KMT2D: variants seen among roughly 807,000 people sequenced by gnomAD.
KMT2D encodes the protein lysine methyltransferase 2D.
Under a neutral mutation model 512.7 loss-of-function variants are expected in KMT2D, and 55 were observed. The ratio of observed to expected loss-of-function variants is 0.11; its 90% CI spans 0.09 to 0.13. KMT2D has a LOEUF of 0.13. Among genes scored for constraint, KMT2D ranks in the 10% least tolerant of loss-of-function variants. KMT2D has a pLI of 1.00. For missense variants in KMT2D, 6,061 were observed against 7,127.9 expected (o/e 0.85, Z 5.39); for synonymous variants, 2,995 against 2,904.0 (o/e 1.03, Z -1.01).
rs2120672077 is a variant in KMT2D, at chr12:49,051,563, G to C, written c.2120C>G (p.Ala707Gly). ...GAGCGAGTCCTCCGGTGGTGGGGAAGCAGGTGAGTCCTCAGGTGGTGGGGA... is the reference window on the plus strand; with the variant it reads ...GAGCGAGTCCTCCGGTGGTGGGGAACCAGGTGAGTCCTCAGGTGGTGGGGA... ...PTSPPPEDSP[A>G]SPPPEDSLMS... The change falls in exon 11 of 55, where the codon GCT becomes GGT. Residue 707 changes from alanine (A) to glycine (G), a missense_variant. Transcript: ENST00000301067. 6.2e-7 allele frequency: 1 copy of C among 1,607,204 alleles called. No individual in the cohort carries two copies. Among genetic ancestry groups the C allele is most frequent in the Non-Finnish European group, 8.5e-7 (1 of 1,176,016 alleles).
rs1341945125 is a variant in KMT2D, at chr12:49,049,841, A to C, written c.3747T>G (p.Ser1249Arg). 1 of 1,613,958 alleles carries C rather than the reference A, an allele frequency of 6.2e-7. No individual in the cohort carries two copies. Among genetic ancestry groups the C allele is most frequent in the Non-Finnish European group, 8.5e-7 (1 of 1,179,880 alleles). ...GTAGGGAGCCCTCATCTCGGGCTGG[A>C]CTAACATCCGTAGAGACCCCCAACT... ...SMELGVSTDV[S>R]PARDEGSLRL... The change falls in exon 12 of 55, where the codon AGT becomes AGG. Residue 1249 changes from serine (S) to arginine (R), a missense_variant. Around this residue, in one of 16 missense-constraint regions of KMT2D, gnomAD observed 447 missense variants for 500.1 expected, o/e 0.89. Transcript: ENST00000301067.
At chr12:49,057,534 C>T (rs970366453) in intron 1 of KMT2D, among the ~76,000 whole-genome samples, 4 of 152,190 alleles carry the variant, frequency 2.6e-5, no homozygotes, top group African/African-American at 9.7e-5. Flanking sequence ...AGAGCCCATT[C>T]ATGGGGCCAT....
At position 49,041,179 on chromosome 12, in the gene KMT2D, G is replaced by T. The variant is rs767669255; in HGVS notation, c.6591C>A (p.Pro2197=). ...GGGCCCCCGTAGGACTAGGATAGGG[G>T]GGATAGGTGGGCGGTGCCGTGGGGA... ...PRFPTAPPTY[P]PYPSPTGAPA... Residue 2197 remains proline, a synonymous_variant, in exon 32 of 55, where the codon CCC becomes CCA. Transcript: ENST00000301067. This position sits in a 1 kb window ranked among gnomAD's most constrained non-coding sequence, Gnocchi z 5.4. 2 of 1,518,510 alleles carry T rather than the reference G, an allele frequency of 1.3e-6. No homozygotes were observed. The highest frequency in any genetic ancestry group is 1.8e-6 in the Non-Finnish European group (2 of 1,136,194). 94.1% of individuals were successfully genotyped at this position (1,518,510 alleles called of 1,614,324 possible). A position where few individuals can be genotyped will look rare whatever the true frequency, so the allele number is the denominator to read the frequency against.
Position 49,051,594 on chromosome 12 carries a change from G to C in KMT2D, c.2089C>G (p.Pro697Ala). The C allele has an allele frequency of 6.3e-7, 1 of 1,594,554 alleles. No homozygotes were observed. Among genetic ancestry groups the C allele is most frequent in the Non-Finnish European group, 8.6e-7 (1 of 1,168,348 alleles). The change falls in exon 11 of 55, where the codon CCC becomes GCC. Residue 697 changes from proline (P) to alanine (A), a missense_variant. By Grantham distance (27) the Pro-to-Ala change is conservative. Coordinates refer to ENST00000301067, the MANE Select transcript of KMT2D (RefSeq NM_003482.4). ...GAGTCCTCAGGTGGTGGGGATGTGG[G>C]GGAGTCCTCAGGTGGTGGGGAGAGG... ...SRLSPPPEDS[P>A]TSPPPEDSPA... is the part of the protein sequence containing the mutation.
Position 49,041,835 on chromosome 12 carries a change from C to T in KMT2D, c.6183+82G>A, listed in dbSNP as rs117190959. The T allele has an allele frequency of 5.3e-3, 8,062 of 1,521,662 alleles. 31 individuals are homozygous for T. Among genetic ancestry groups the T allele is most frequent in the Non-Finnish European group, 6.5e-3 (7,232 of 1,117,716 alleles). The allele number at this position is 1,521,662 out of a possible 1,614,324, so 94.3% of individuals were successfully genotyped here. On this transcript the variant is annotated intron_variant, in intron 30 of 54. Coordinates refer to ENST00000301067, the MANE Select transcript of KMT2D (RefSeq NM_003482.4). The surrounding 1 kb of genome is among the most constrained non-coding windows in gnomAD (Gnocchi z 5.4). ...GCCCAGCTGCTTTAGGAGTGGGGAGCGGAAAGAACTGAGGTAAATTACCCA... is the reference window on the plus strand; with the variant it reads ...GCCCAGCTGCTTTAGGAGTGGGGAGTGGAAAGAACTGAGGTAAATTACCCA...
chr12:49,033,865 A>G lies in KMT2D; in HGVS notation c.10840T>C (p.Ser3614Pro). The change falls in exon 40 of 55, where the codon TCA becomes CCA. Residue 3614 changes from serine to proline, a missense_variant. Ser to Pro is a moderately conservative substitution (Grantham distance 74). Transcript: ENST00000301067. ...QQQQQQQQQH[S>P]AVLALSPSQS... ...GAAGGGCTGAGAGCCAGCACAGCTG[A>G]GTGCTGTTGCTGTTGTTGCTGCTGC... 1.3e-6 allele frequency: 2 copies of G among 1,549,980 alleles called. No individual in the cohort carries two copies. Among genetic ancestry groups the G allele is most frequent in the South Asian group, 2.5e-5 (2 of 81,318 alleles).
In KMT2D at chr12:49,044,500, G is replaced by A. The variant is rs143063879; in HGVS notation, c.4986C>T (p.Cys1662=). ...KGEGGVEHME[C]EIKLEGPVSP... ...TGACGGGGCCCTCCAGTTTAATTTCGCACTCCATGTGCTCCACACCACCTG... is the reference window on the plus strand; with the variant it reads ...TGACGGGGCCCTCCAGTTTAATTTCACACTCCATGTGCTCCACACCACCTG... Residue 1662 remains cysteine, a synonymous_variant, in exon 21 of 55, where the codon TGC becomes TGT. Coordinates refer to ENST00000301067, the MANE Select transcript of KMT2D (RefSeq NM_003482.4). This position sits in a 1 kb window ranked among gnomAD's most constrained non-coding sequence, Gnocchi z 6.4. 1.1e-4 allele frequency: 183 copies of A among 1,613,922 alleles called. 4 individuals are homozygous for A. The South Asian group carries it at 1.2e-3, about 11-fold the overall frequency.
In KMT2D at chr12:49,037,720, C is replaced by T; in HGVS notation, c.9636G>A (p.Lys3212=). 6.3e-7 allele frequency: 1 copy of T among 1,588,146 alleles called. No individual in the cohort carries two copies. Among genetic ancestry groups the T allele is most frequent in the Non-Finnish European group, 8.6e-7 (1 of 1,167,114 alleles). The part of the protein sequence containing the change: ...SGPGGSSLLE[K]FELESGALTL... ...TCAAAGCCCCACTCTCGAGCTCAAA[C>T]TTTTCCAGCAGGGAGGATCCTCCTG... The change falls in exon 35 of 55, where the codon AAG becomes AAA. Residue 3212 remains lysine (K), a synonymous_variant. Coordinates refer to ENST00000301067, the MANE Select transcript of KMT2D (RefSeq NM_003482.4).
chr12:49,052,235 A>G lies in KMT2D; in HGVS notation c.1448T>C (p.Leu483Ser), dbSNP rs2120683598. The G allele has an allele frequency of 6.3e-7, 1 of 1,595,510 alleles. No individual in the cohort carries two copies. The highest frequency in any genetic ancestry group is 8.5e-7 in the Non-Finnish European group (1 of 1,172,644). The change falls in exon 11 of 55, where the codon TTG (leucine) becomes TCG (serine). Residue 483 changes from leucine (L) to serine (S), a missense_variant. By Grantham distance (145) the Leu-to-Ser change is moderately radical. Around this residue, in one of 16 missense-constraint regions of KMT2D, gnomAD observed 848 missense variants for 838.5 expected, o/e 1.01. Transcript: ENST00000301067. Reference sequence around the variant, plus strand: ...TTCCTCCAGCGGCCGGGACAGGTGCAATGCCTCAGGAAGTGGGGATGCGGG... The same window carrying G: ...TTCCTCCAGCGGCCGGGACAGGTGCGATGCCTCAGGAAGTGGGGATGCGGG... ...ELPASPLPEA[L>S]HLSRPLEESP...
rs1446761246 is a variant in KMT2D at position 49,049,931 on chromosome 12, A to G, written c.3657T>C (p.Ser1219=). 2 of 1,613,786 alleles carry G rather than the reference A, an allele frequency of 1.2e-6. No individual in the cohort carries two copies. Among genetic ancestry groups the G allele is most frequent in the East Asian group, 2.2e-5 (1 of 44,884 alleles). The change falls in exon 12 of 55, where the codon AGT becomes AGC. Residue 1219 remains serine (S), a synonymous_variant. Transcript: ENST00000301067. ...CCAGGAGGGGCTCTGAGCCAGGAAA[A>G]CTGGCACTGGCATCACCCTGGCTCA... ...SNLSQGDASA[S]FPGSEPLLGS...
rs2120643814 is a variant in KMT2D at position 49,049,976 on chromosome 12, G to A, written c.3612C>T (p.Ile1204=). ...GGCTCAGATTAGAGATCTCGTTAAC[G>A]ATGTCGGATTTGATGAGAGTGGGTG... The part of the protein sequence containing the change: ...PTPPTLIKSD[I]VNEISNLSQG... The change falls in exon 12 of 55, where the codon ATC becomes ATT. Residue 1204 remains isoleucine, a synonymous_variant. Transcript: ENST00000301067. 4 of 1,613,976 alleles carry A rather than the reference G, an allele frequency of 2.5e-6. No homozygotes were observed. The highest frequency in any genetic ancestry group is 2.2e-5 in the East Asian group (1 of 44,886).
rs1387639118 is a variant in KMT2D at position 49,029,017 on chromosome 12, A to C, written c.14251+44T>G. ...GCCGCCTCTCCCCCAGCTTCGGACAACCCAGGTGAACTGGGCCTGGCCCAC... is the reference window on the plus strand; with the variant it reads ...GCCGCCTCTCCCCCAGCTTCGGACACCCCAGGTGAACTGGGCCTGGCCCAC... On this transcript the variant is annotated intron_variant, in intron 45 of 54. Coordinates refer to ENST00000301067, the MANE Select transcript of KMT2D (RefSeq NM_003482.4). 2.5e-6 allele frequency: 4 copies of C among 1,606,304 alleles called. No individual in the cohort carries two copies. The Admixed American group carries it at 5.0e-5, about 20-fold the overall frequency.
At chr12:49,025,411 C>T (rs1196614895) in intron 49 of KMT2D, among the ~76,000 whole-genome samples, 1 of 152,220 alleles carries the variant, frequency 6.6e-6, no homozygotes, top group Non-Finnish European at 1.5e-5. Flanking sequence ...TCTAGATGCA[C>T]ATACTTACCG....
At chr12:49,057,256 A>G (rs1323716069) in intron 1 of KMT2D, among the ~76,000 whole-genome samples, 1 of 152,176 alleles carries the variant, frequency 6.6e-6, no homozygotes, top group African/African-American at 2.4e-5. Context: ...GCATCTTACT[A>G]TATCTTACCA....
Position 49,032,215 on chromosome 12 carries a change from T to C in KMT2D, c.12490A>G (p.Met4164Val). 6.2e-7 allele frequency: 1 copy of C among 1,613,268 alleles called. No homozygotes were observed. The highest frequency in any genetic ancestry group is 8.5e-7 in the Non-Finnish European group (1 of 1,179,382). The change falls in exon 40 of 55, where the codon ATG becomes GTG. Residue 4164 changes from methionine to valine, a missense_variant. Physicochemically the swap from Met to Val is conservative, Grantham distance 21. Around this residue, in one of 16 missense-constraint regions of KMT2D, gnomAD observed 1,600 missense variants for 1,754.9 expected, o/e 0.91. Transcript: ENST00000301067. Reference protein sequence around the residue: ...GPQQPMLERPMQNNTGPQPPK... With the variant: ...GPQQPMLERPVQNNTGPQPPK... Reference sequence around the variant, plus strand: ...GGTTGTGGCCCTGTATTATTTTGCATGGGCCGCTCTAGCATGGGCTGTTGG... The same window carrying C: ...GGTTGTGGCCCTGTATTATTTTGCACGGGCCGCTCTAGCATGGGCTGTTGG...
In KMT2D at chr12:49,044,368, C is replaced by T. The variant is rs757357517; in HGVS notation, c.5083+35G>A. On this transcript the variant is annotated intron_variant, in intron 21 of 54. Coordinates refer to ENST00000301067, the MANE Select transcript of KMT2D (RefSeq NM_003482.4). The surrounding 1 kb of genome is among the most constrained non-coding windows in gnomAD (Gnocchi z 6.4). ...GGACCTATTGAGCTGCCCCGCACCA[C>T]CCCACCACCCCACAACCCCATCCCA... 2 of 1,613,640 alleles carry T rather than the reference C, an allele frequency of 1.2e-6. No individual in the cohort carries two copies. The highest frequency in any genetic ancestry group is 1.3e-5 in the African/African-American group (1 of 75,012).
At chr12:49,034,500 G>A in intron 37 of KMT2D, 24 bp from the exon 38 acceptor site, 1 of 1,613,212 alleles carries the variant, frequency 6.2e-7, no homozygotes, top group Non-Finnish European at 8.5e-7. Flanking sequence ...GGCTGCTAAA[G>A]GGTCATTGTT....
In KMT2D at chr12:49,044,125, T is replaced by C. The variant is rs779510898; in HGVS notation, c.5188+75A>G. ...TCTACCACCCTCTTGGCCCTTTCAA[T>C]GAGTCCACCCCCTGGGTCTCTCTAG... On this transcript the variant is annotated intron_variant, in intron 22 of 54. Transcript: ENST00000301067. The surrounding 1 kb of genome is among the most constrained non-coding windows in gnomAD (Gnocchi z 6.4). 1.3e-6 allele frequency: 2 copies of C among 1,585,738 alleles called. No homozygotes were observed. The highest frequency in any genetic ancestry group is 1.7e-6 in the Non-Finnish European group (2 of 1,163,164).
chr12:49,028,264 G>A, intron 46 of KMT2D, 123 bp from the exon 47 acceptor site: 1 of 1,178,868 alleles, frequency 8.5e-7, no homozygotes, highest in Non-Finnish European at 1.2e-6. Flanking sequence ...TCTATCCTAT[G>A]TCACCCAGCT....
Sources: gnomAD v4.1 joint callset for allele counts (sites outside exome capture counted in the v4.1 genomes callset) on GRCh38, gnomAD v4.1.1 for gene constraint, gnomAD v4.1.1 regional missense constraint, Gnocchi (gnomAD v3.1) non-coding constraint, MANE v1.5 for transcripts, NCBI Gene and HGNC (gene_info 2026-07-23, HGNC 2026-07-21) for gene names.